TRPC4: variants seen among roughly 807,000 people sequenced by gnomAD.
The protein encoded by TRPC4 is transient receptor potential cation channel subfamily C member 4, also known as short transient receptor potential channel 4.
Under a neutral mutation model 99.4 loss-of-function variants are expected in TRPC4, and 49 were observed. The observed-to-expected ratio is 0.49, with a 90% confidence interval of 0.39 to 0.63. The LOEUF (loss-of-function observed/expected upper bound fraction) is 0.63, where lower values mean the gene tolerates loss of function less well. Among genes scored for constraint, TRPC4 ranks in the 20% least tolerant of loss-of-function variants. TRPC4 has a pLI of 0.00. For synonymous variants in TRPC4, 454 were observed against 425.9 expected (o/e 1.07, Z -0.81); for missense variants, 898 against 1,152.9 (o/e 0.78, Z 3.20).
rs559925423 is a variant in TRPC4 at position 37,670,213 on chromosome 13, T to C, written c.1374+4015A>G. 4.6e-5 allele frequency among the ~76,000 whole-genome samples: 7 copies of C among 152,318 alleles called. No individual in the cohort carries two copies. The East Asian group carries it at 1.4e-3, about 29-fold the overall frequency. On this transcript the variant is annotated intron_variant, in intron 5 of 10. Coordinates refer to ENST00000379705, the MANE Select transcript of TRPC4 (RefSeq NM_016179.4). ...TCTGTTGTTTAAGCCACCCAATCTA[T>C]GGTATTCTATTGTGACAAGCCGAGG... is the stretch of plus-strand genomic sequence containing the variant.
chr13:37,755,940 GT>G (rs1420237792), intron 2 of TRPC4, among the ~76,000 whole-genome samples: 1 of 151,818 alleles, frequency 6.6e-6, no homozygotes, highest in Non-Finnish European at 1.5e-5. Context: ...TAGCATCATT[GT>G]TTTACTCTAA....
At chr13:37,705,376 A>G (rs1344429452) in intron 3 of TRPC4, among the ~76,000 whole-genome samples, 1 of 152,108 alleles carries the variant, frequency 6.6e-6, no homozygotes. Context: ...TTTTTGTATA[A>G]TGTGGTGACT....
At chr13:37,759,645 T>C (rs1044689239) in intron 2 of TRPC4, among the ~76,000 whole-genome samples, 3 of 151,788 alleles carry the variant, frequency 2.0e-5, no homozygotes, top group African/African-American at 7.2e-5. Flanking sequence ...TTCTCAATAG[T>C]CAAGGAAAAA....
chr13:37,756,535 C>T (rs116965409), intron 2 of TRPC4, among the ~76,000 whole-genome samples: 82 of 137,252 alleles, frequency 6.0e-4, no homozygotes, highest in African/African-American at 8.9e-4. Context: ...TTTTTTTTTT[C>T]TTTTTTTTTT....
intron 1 of TRPC4, among the ~76,000 whole-genome samples, chr13:37,834,636 C>CTTTA (rs899851747): frequency 2.6e-5 from 4 of 152,164 alleles, no homozygotes; most frequent in African/African-American, 9.7e-5. Context: ...ATGACAGAAC[C>CTTTA]TTTAGATGAG....
intron 1 of TRPC4, among the ~76,000 whole-genome samples, chr13:37,791,722 CAGG>C (rs1957124985): frequency 6.6e-6 from 1 of 151,998 alleles, no homozygotes; most frequent in African/African-American, 2.4e-5. Context: ...GAGAAATTTG[CAGG>C]AGGAGAAGAG....
chr13:37,752,556 T>C (rs1678564021), intron 2 of TRPC4, among the ~76,000 whole-genome samples: 1 of 151,630 alleles, frequency 6.6e-6, no homozygotes, highest in Non-Finnish European at 1.5e-5. Flanking sequence ...GGACCTAATC[T>C]CTCTCTAGAA....
In TRPC4 at chr13:37,634,652, T is replaced by C. The variant is rs985969098; in HGVS notation, c.*2251A>G. Among the ~76,000 whole-genome samples the C allele has an allele frequency of 4.9e-4, 74 of 152,136 alleles. 1 individual carries two copies. Among genetic ancestry groups the C allele is most frequent in the Admixed American group, 4.3e-3 (65 of 15,260 alleles). On this transcript the variant is annotated 3_prime_UTR_variant, in exon 11 of 11. Coordinates refer to ENST00000379705, the MANE Select transcript of TRPC4 (RefSeq NM_016179.4). ...TTTGAAATTAAATTCTGGTAAAGTA[T>C]GTAAAATGGTTATGTATAGTGTCCT... is the stretch of plus-strand genomic sequence containing the variant.
chr13:37,655,090 C>A lies in TRPC4; in HGVS notation c.1882G>T (p.Ala628Ser). 1.3e-6 allele frequency: 2 copies of A among 1,521,854 alleles called. No homozygotes were observed. The highest frequency in any genetic ancestry group is 1.4e-5 in the African/African-American group (1 of 71,952). The allele number at this position is 1,521,854 out of a possible 1,614,324, so 94.3% of individuals were successfully genotyped here. A position where few individuals can be genotyped will look rare whatever the true frequency, so the allele number is the denominator to read the frequency against. Residue 628 changes from alanine (A) to serine (S), a missense_variant and splice_region_variant, in exon 7 of 11, where the codon GCT becomes TCT. By Grantham distance (99) the Ala-to-Ser change is moderately conservative. Around this residue, in one of 3 missense-constraint regions of TRPC4, gnomAD observed 274 missense variants for 454.9 expected, o/e 0.60. Coordinates refer to ENST00000379705, the MANE Select transcript of TRPC4 (RefSeq NM_016179.4). ...AMMNNSYQLI[A>S]DHADIEWKFA... ...TAAAATAAAGCTGGTCAACTTACAGCAATCAGTTGGTAAGAATTATTCATC... is the reference window on the plus strand; with the variant it reads ...TAAAATAAAGCTGGTCAACTTACAGAAATCAGTTGGTAAGAATTATTCATC...
intron 1 of TRPC4, among the ~76,000 whole-genome samples, chr13:37,816,018 G>T (rs1026031522): frequency 3.3e-5 from 5 of 151,786 alleles, no homozygotes; most frequent in African/African-American, 1.2e-4. Flanking sequence ...TGGATAAACA[G>T]TAAAATTAAG....
intron 1 of TRPC4, among the ~76,000 whole-genome samples, chr13:37,825,220 C>T (rs1160890776): frequency 1.3e-5 from 2 of 152,004 alleles, no homozygotes; most frequent in East Asian, 1.9e-4. Context: ...TTTCAAAAAA[C>T]CAGCTCCTGG....
intron 1 of TRPC4, among the ~76,000 whole-genome samples, chr13:37,810,652 G>A (rs1957654587): frequency 6.6e-6 from 1 of 152,016 alleles, no homozygotes; most frequent in Non-Finnish European, 1.5e-5. Context: ...TAAAGAATAA[G>A]TGACAACAAT....
intron 1 of TRPC4, among the ~76,000 whole-genome samples, chr13:37,849,795 T>C (rs568912684): frequency 1.3e-5 from 2 of 152,320 alleles, no homozygotes; most frequent in South Asian, 4.1e-4. Context: ...TGGGAGCCAA[T>C]CATGGTCATC....
At chr13:37,638,794 A>G (rs1475060702) in intron 10 of TRPC4, among the ~76,000 whole-genome samples, 4 of 152,214 alleles carry the variant, frequency 2.6e-5, no homozygotes, top group Non-Finnish European at 5.9e-5. Context: ...GGGATCAGGT[A>G]AGTCAGAATG....
rs10549960 is a variant in TRPC4 at position 37,786,289 on chromosome 13, G to GACACACAC, written c.-27-2937_-27-2930dup. 6.7e-3 allele frequency among the ~76,000 whole-genome samples: 949 copies of GACACACAC among 141,040 alleles called. 10 individuals are homozygous for GACACACAC. Among genetic ancestry groups the GACACACAC allele is most frequent in the African/African-American group, 0.022 (839 of 37,474 alleles). The allele number at this position is 141,040 out of a possible 152,430, so 92.5% of individuals were successfully genotyped here. A position where few individuals can be genotyped will look rare whatever the true frequency, so the allele number is the denominator to read the frequency against. ...ATCTAAAAACACTCACAGGGAGAAA[G>GACACACAC]ACACACACACACACACACACACACA... On this transcript the variant is annotated intron_variant, in intron 1 of 10. Transcript: ENST00000379705.
chr13:37,846,914 C>G (rs1017241015), intron 1 of TRPC4, among the ~76,000 whole-genome samples: 2 of 151,784 alleles, frequency 1.3e-5, no homozygotes, highest in East Asian at 3.9e-4. Flanking sequence ...AGTAGTTACA[C>G]TTAGACAAAA....
intron 3 of TRPC4, among the ~76,000 whole-genome samples, chr13:37,718,576 T>C (rs1484288623): frequency 6.6e-6 from 1 of 151,816 alleles, no homozygotes; most frequent in African/African-American, 2.4e-5. Context: ...AGCAGAGAAA[T>C]AGAAATTATA....
chr13:37,829,982 A>T (rs576279677), intron 1 of TRPC4, among the ~76,000 whole-genome samples: 38 of 152,262 alleles, frequency 2.5e-4, no homozygotes, highest in Non-Finnish European at 4.3e-4. Context: ...CAGGGGTTGG[A>T]TGGGGCTGAG....
intron 1 of TRPC4, among the ~76,000 whole-genome samples, chr13:37,843,014 G>A (rs55859905): frequency 0.016 from 2,469 of 152,248 alleles, 68 homozygotes; most frequent in African/African-American, 0.056. Flanking sequence ...AACAAAGGCT[G>A]CTCAGTGATT....
Sources: gnomAD v4.1 joint callset for allele counts (sites outside exome capture counted in the v4.1 genomes callset) on GRCh38, gnomAD v4.1.1 for gene constraint, gnomAD v4.1.1 regional missense constraint, MANE v1.5 for transcripts, NCBI Gene and HGNC (gene_info 2026-07-23, HGNC 2026-07-21) for gene names.